CRTC2: variants seen among roughly 807,000 people sequenced by gnomAD.
CRTC2 encodes the protein CREB regulated transcription coactivator 2, also known as CREB-regulated transcription coactivator 2.
CRTC2 carries 25 observed loss-of-function variants against 70.9 expected under a neutral mutation model. The observed-to-expected ratio is 0.35, with a 90% CI of 0.26 to 0.49. The LOEUF (loss-of-function observed/expected upper bound fraction) is 0.49, where lower values mean the gene tolerates loss of function less well. Ranked by LOEUF, CRTC2 falls within the 20% of genes least tolerant of loss-of-function variation. The pLI, the probability that CRTC2 is intolerant of heterozygous loss-of-function variation, is 0.98. For synonymous variants in CRTC2, 330 were observed against 364.1 expected (o/e 0.91, Z 1.07); for missense variants, 737 against 882.6 (o/e 0.83, Z 2.09).
rs781759272 is a variant in CRTC2, at chr1:153,951,311, C to A, written c.1353G>T (p.Leu451=). The change falls in exon 11 of 14, where the codon CTG becomes CTT. Residue 451 remains leucine (L), a synonymous_variant. Coordinates refer to ENST00000368633, the MANE Select transcript of CRTC2 (RefSeq NM_181715.3). ...ACATTGTTGGCGAAAACTGTTTGGGCAGCTGCTGTTGGGACCTTCTGGCGT... is the reference window on the plus strand; with the variant it reads ...ACATTGTTGGCGAAAACTGTTTGGGAAGCTGCTGTTGGGACCTTCTGGCGT... The part of the protein sequence containing the change: ...PADARRSQQQ[L]PKQFSPTMSP... 3.1e-6 allele frequency: 5 copies of A among 1,614,018 alleles called. No individual in the cohort carries two copies. The South Asian group carries it at 4.4e-5, about 14-fold the overall frequency.
intron 3 of CRTC2, 39 bp from the exon 4 acceptor site, chr1:153,954,355 GATGAGAGAGGCCAA>G: frequency 7.0e-7 from 1 of 1,437,898 alleles, no homozygotes; most frequent in Non-Finnish European, 9.8e-7. Context: ...AGAGAGGACA[GATGAGAGAGGCCAA>G]ATGAGGAAAG....
At position 153,948,513 on chromosome 1, in the gene CRTC2, G is replaced by A. The variant is rs764848234; in HGVS notation, c.1806C>T (p.His602=). ...GGCGGGAACAGTGGGTCAAGTTCTG[G>A]TGGTTGAAGGTGTGGGGATCCTGGG... ...GGPQDPHTFN[H]QNLTHCSRHG... is the part of the protein sequence containing the mutation. Residue 602 remains histidine (H), a synonymous_variant, in exon 13 of 14, where the codon CAC becomes CAT. Coordinates refer to ENST00000368633, the MANE Select transcript of CRTC2 (RefSeq NM_181715.3). The A allele has an allele frequency of 6.2e-7, 1 of 1,612,156 alleles. No homozygotes were observed. Among genetic ancestry groups the A allele is most frequent in the South Asian group, 1.1e-5 (1 of 90,840 alleles).
Position 153,958,346 on chromosome 1 carries a change from C to T in CRTC2, c.152G>A (p.Arg51Gln). The change falls in exon 1 of 14, where the codon CGG becomes CAG. Residue 51 changes from arginine (R) to glutamine (Q), a missense_variant and splice_region_variant. Coordinates refer to ENST00000368633, the MANE Select transcript of CRTC2 (RefSeq NM_181715.3). ...CGGCTCCCCGGCGCGGCCCCTCACC[C>T]GGGTGGAGCCGATGTCCATCATCAC... ...EEVMMDIGST[R>Q]LQAQKLRLAY... 1 of 1,611,648 alleles carries T rather than the reference C, an allele frequency of 6.2e-7. No homozygotes were observed. The highest frequency in any genetic ancestry group is 8.5e-7 in the Non-Finnish European group (1 of 1,179,270).
At chr1:153,958,235 C>T in intron 1 of CRTC2, 110 bp downstream of exon 1, 1 of 1,485,074 alleles carries the variant, frequency 6.7e-7, no homozygotes, top group Admixed American at 2.2e-5. Context: ...CGCCCGCGTC[C>T]CCTGCTCTGT....
intron 1 of CRTC2, among the ~76,000 whole-genome samples, chr1:153,956,679 C>CT (rs978943411): frequency 1.7e-4 from 26 of 152,192 alleles, no homozygotes; most frequent in African/African-American, 6.0e-4. Context: ...ATGGCCATCT[C>CT]TGTCTCAAAT....
intron 3 of CRTC2, 80 bp from the exon 4 acceptor site, chr1:153,954,396 G>A: frequency 3.1e-6 from 3 of 973,024 alleles, no homozygotes; most frequent in Non-Finnish European, 1.6e-6. Context: ...GAAGGCAGCA[G>A]ATAAGTTGTT....
At position 153,951,526 on chromosome 1, in the gene CRTC2, G is replaced by A; in HGVS notation, c.1138C>T (p.His380Tyr). The A allele has an allele frequency of 1.9e-6, 3 of 1,605,620 alleles. No individual in the cohort carries two copies. The highest frequency in any genetic ancestry group is 2.6e-6 in the Non-Finnish European group (3 of 1,175,946). The change falls in exon 11 of 14, where the codon CAT (histidine) becomes TAT (tyrosine). Residue 380 changes from histidine to tyrosine, a missense_variant. Coordinates refer to ENST00000368633, the MANE Select transcript of CRTC2 (RefSeq NM_181715.3). Reference sequence around the variant, plus strand: ...CCCAGGGAGGTGGTGGGCAGTACATGGCGGGCCAAGGAGGAGGCAGGCAGA... The same window carrying A: ...CCCAGGGAGGTGGTGGGCAGTACATAGCGGGCCAAGGAGGAGGCAGGCAGA... ...PSLPASSLAR[H>Y]VLPTTSLGHP...
In CRTC2 at chr1:153,955,175, T is replaced by C. The variant is rs202143802; in HGVS notation, c.154-9A>G. On this transcript the variant is annotated splice_polypyrimidine_tract_variant and intron_variant, in intron 1 of 13. Transcript: ENST00000368633. The stretch of plus-strand genomic sequence containing the variant: ...AGTTTTTGGGCCTGTAACTGAGACA[T>C]GGGGAACAAGTGGGAATGTCAGGAG... 337 of 1,605,654 alleles carry C rather than the reference T, an allele frequency of 2.1e-4. No homozygotes were observed. Among genetic ancestry groups the C allele is most frequent in the Non-Finnish European group, 2.7e-4 (322 of 1,172,688 alleles).
intron 1 of CRTC2, among the ~76,000 whole-genome samples, chr1:153,957,566 G>A (rs1271555285): frequency 2.0e-5 from 3 of 152,028 alleles, no homozygotes; most frequent in Non-Finnish European, 2.9e-5. Context: ...GAACTCCTAG[G>A]AATGAATATT....
At chr1:153,954,825 C>A in intron 3 of CRTC2, 48 bp downstream of exon 3, 12 of 1,519,538 alleles carry the variant, frequency 7.9e-6, no homozygotes, top group Non-Finnish European at 1.1e-5. Context: ...CCTGAGGAAC[C>A]CCATCCCACT....
At chr1:153,951,960 C>T (rs2102109544) in intron 10 of CRTC2, 58 bp downstream of exon 10, 1 of 1,572,434 alleles carries the variant, frequency 6.4e-7, no homozygotes, top group Non-Finnish European at 8.6e-7. Context: ...ACCTACCTCC[C>T]CTTCATCCCT....
At chr1:153,954,833 AC>A (rs751858305) in intron 3 of CRTC2, 39 bp downstream of exon 3, 1 of 1,563,000 alleles carries the variant, frequency 6.4e-7, no homozygotes, top group East Asian at 2.3e-5. Context: ...ACCCCATCCC[AC>A]TACCTTTCAG....
rs1391885206 is a variant in CRTC2, at chr1:153,948,175, A to G, written c.2016T>C (p.Ser672=). ...GATCAGGCAGCAGGGCACAGGGGTC[A>G]CTCAGCATGTTTAGCCCTTCCAGGC... The part of the protein sequence containing the change: ...PLGLEGLNML[S]DPCALLPDPA... Residue 672 remains serine, a synonymous_variant, in exon 14 of 14, where the codon AGT becomes AGC. Coordinates refer to ENST00000368633, the MANE Select transcript of CRTC2 (RefSeq NM_181715.3). 6.2e-7 allele frequency: 1 copy of G among 1,614,200 alleles called. No homozygotes were observed. The highest frequency in any genetic ancestry group is 8.5e-7 in the Non-Finnish European group (1 of 1,180,028).
At position 153,948,589 on chromosome 1, in the gene CRTC2, C is replaced by A; in HGVS notation, c.1730G>T (p.Gly577Val). 1 of 1,605,130 alleles carries A rather than the reference C, an allele frequency of 6.2e-7. No individual in the cohort carries two copies. Among genetic ancestry groups the A allele is most frequent in the Non-Finnish European group, 8.5e-7 (1 of 1,176,388 alleles). Residue 577 changes from glycine (G) to valine (V), a missense_variant, in exon 13 of 14, where the codon GGC becomes GTC. This residue lies in a region of CRTC2 where 699 missense variants were observed against 823.7 expected (regional missense o/e 0.85). Transcript: ENST00000368633. ...TAAAAATCCAGGCCCTTCAGAAAAG[C>A]CAGGGGGATCCAGCACCAGGCTGGC... ...PSASLVLDPP[G>V]FSEGPGFLGG...
In CRTC2 at chr1:153,949,144, G is replaced by A. The variant is rs770426928; in HGVS notation, c.1645C>T (p.Arg549Trp). The change falls in exon 12 of 14, where the codon CGG (arginine) becomes TGG (tryptophan). Residue 549 changes from arginine (R) to tryptophan (W), a missense_variant. Arg to Trp is a moderately radical substitution (Grantham distance 101). Coordinates refer to ENST00000368633, the MANE Select transcript of CRTC2 (RefSeq NM_181715.3). ...CCCAGGTTGAAGTCACTCATTGGCC[G>A]GTGGTAAGACTGTTGCCCATGCCCA... is the stretch of plus-strand genomic sequence containing the variant. ...PSGHGQQSYHRPMSDFNLGNL... is the reference protein window; with the variant it reads ...PSGHGQQSYHWPMSDFNLGNL... 33 of 1,611,250 alleles carry A rather than the reference G, an allele frequency of 2.0e-5. No homozygotes were observed. The highest frequency in any genetic ancestry group is 5.0e-5 in the Admixed American group (3 of 59,628).
chr1:153,951,185 G>C lies in CRTC2; in HGVS notation c.1404+75C>G, dbSNP rs528016733. On this transcript the variant is annotated intron_variant, in intron 11 of 13. Coordinates refer to ENST00000368633, the MANE Select transcript of CRTC2 (RefSeq NM_181715.3). ...GTATAGAGTAGGTATTTCAGGAAAGGAGGGTGGGAGGGAAACAACATGGCA... is the reference window on the plus strand; with the variant it reads ...GTATAGAGTAGGTATTTCAGGAAAGCAGGGTGGGAGGGAAACAACATGGCA... 15 of 1,475,330 alleles carry C rather than the reference G, an allele frequency of 1.0e-5. No individual in the cohort carries two copies. In the East Asian group the frequency reaches 3.5e-4, roughly 34 times the overall value. The allele number at this position is 1,475,330 out of a possible 1,614,324, so 91.4% of individuals were successfully genotyped here.
chr1:153,949,414 C>G (rs370654163), intron 11 of CRTC2, 30 bp from the exon 12 acceptor site: 1 of 1,580,822 alleles, frequency 6.3e-7, no homozygotes, highest in African/African-American at 1.3e-5. Flanking sequence ...GGGAAGCTTA[C>G]TGCTCAGTGT....
chr1:153,952,663 G>A, intron 7 of CRTC2, 28 bp from the exon 8 acceptor site: 2 of 1,613,684 alleles, frequency 1.2e-6, no homozygotes, highest in Non-Finnish European at 1.7e-6. Context: ...GGTGATGGGA[G>A]AGTTGGAGAA....
In CRTC2 at chr1:153,949,279, A is replaced by C; in HGVS notation, c.1510T>G (p.Ser504Ala). Reference protein sequence around the residue: ...VLPTQPHTPKSLQQPGLPSQS... With the variant: ...VLPTQPHTPKALQQPGLPSQS... ...GAGGGCAGCCCTGGCTGCTGTAGAG[A>C]CTTTGGGGTGTGGGGCTGGGTAGGC... The change falls in exon 12 of 14, where the codon TCT becomes GCT. Residue 504 changes from serine (S) to alanine (A), a missense_variant. Physicochemically the swap from Ser to Ala is moderately conservative, Grantham distance 99 (BLOSUM62 1). Transcript: ENST00000368633. 6.2e-7 allele frequency: 1 copy of C among 1,613,978 alleles called. No homozygotes were observed. Among genetic ancestry groups the C allele is most frequent in the Non-Finnish European group, 8.5e-7 (1 of 1,179,978 alleles).
Sources: gnomAD v4.1 joint callset for allele counts (sites outside exome capture counted in the v4.1 genomes callset) on GRCh38, gnomAD v4.1.1 for gene constraint, gnomAD v4.1.1 regional missense constraint, MANE v1.5 for transcripts, NCBI Gene and HGNC (gene_info 2026-07-23, HGNC 2026-07-21) for gene names.